NASP: variants seen among roughly 807,000 people sequenced by gnomAD.
The protein encoded by NASP is NASP histone chaperone.
A neutral mutation model predicts 89.5 loss-of-function variants in NASP; 24 were observed. That is an observed-to-expected ratio of 0.27 (90% CI 0.19 to 0.38). The LOEUF (loss-of-function observed/expected upper bound fraction) is 0.38. Among genes scored for constraint, NASP ranks in the 10% least tolerant of loss-of-function variants. NASP has a pLI of 1.00. For missense variants in NASP, 848 were observed against 921.4 expected (o/e 0.92, Z 1.03); for synonymous variants, 306 against 324.7 (o/e 0.94, Z 0.62).
At chr1:45,586,284 G>GTGTGTGTGTGTGTGTGTGGTGTGTGTGGT (rs1202771599) in intron 1 of NASP, among the ~76,000 whole-genome samples, 2 of 100,472 alleles carry the variant, frequency 2.0e-5, no homozygotes, top group Admixed American at 1.0e-4. Flanking sequence ...GTGTGTGTGT[G>GTGTGTGTGTGTGTGTGTGGTGTGTGTGGT]GTGTGTGTGT....
At chr1:45,601,736 G>T (rs1370839272) in intron 2 of NASP, among the ~76,000 whole-genome samples, 3 of 135,580 alleles carry the variant, frequency 2.2e-5, no homozygotes, top group Admixed American at 7.8e-5. Context: ...TAGATGAGCC[G>T]TTAAGAGAAT....
chr1:45,614,699 C>T (rs538462138), intron 9 of NASP, among the ~76,000 whole-genome samples: 5 of 152,200 alleles, frequency 3.3e-5, no homozygotes, highest in African/African-American at 4.8e-5. Context: ...CCACCACGCC[C>T]GGTTAATTTT....
chr1:45,587,790 C>G (rs993130646), intron 1 of NASP, among the ~76,000 whole-genome samples: 5 of 150,410 alleles, frequency 3.3e-5, no homozygotes, highest in Non-Finnish European at 7.4e-5. Flanking sequence ...GCAAGCGATT[C>G]TTGTGCATCA....
intron 2 of NASP, among the ~76,000 whole-genome samples, chr1:45,595,659 T>C (rs145614980): frequency 4.5e-4 from 69 of 152,364 alleles, no homozygotes; most frequent in Non-Finnish European, 8.2e-4. Flanking sequence ...TAATGGTGGA[T>C]AAACCTGCTG....
rs1466609248 is a variant in NASP, at chr1:45,618,381, T to C, written c.*240T>C. 2.6e-6 allele frequency: 1 copy of C among 378,358 alleles called. No homozygotes were observed. Among genetic ancestry groups the C allele is most frequent in the Non-Finnish European group, 5.0e-6 (1 of 199,480 alleles). 23.4% of individuals were successfully genotyped at this position (378,358 alleles called of 1,614,324 possible). A position where few individuals can be genotyped will look rare whatever the true frequency, so the allele number is the denominator to read the frequency against. On this transcript the variant is annotated 3_prime_UTR_variant, in exon 15 of 15. Coordinates refer to ENST00000350030, the MANE Select transcript of NASP (RefSeq NM_002482.4). ...TGTGTTCCTGATCCTAATTCCTATC[T>C]GTCTAACGTGGAGGTGATCAAGTGT... is the stretch of plus-strand genomic sequence containing the variant.
chr1:45,602,128 G>A (rs1289200868), intron 2 of NASP, 127 bp from the exon 3 acceptor site: 2 of 1,128,616 alleles, frequency 1.8e-6, no homozygotes, highest in African/African-American at 1.6e-5. Flanking sequence ...AAATAAGTGT[G>A]TTAGCCAGGC....
chr1:45,613,020 G>T lies in NASP; in HGVS notation c.1427-149G>T, dbSNP rs372275272. Reference sequence around the variant, plus strand: ...ACACTTGAACTAGACTGCACCCACTGACGATATATTCAGTTCAGGTGTTAA... The same window carrying T: ...ACACTTGAACTAGACTGCACCCACTTACGATATATTCAGTTCAGGTGTTAA... On this transcript the variant is annotated intron_variant, in intron 6 of 14. Transcript: ENST00000350030. 2.6e-6 allele frequency: 3 copies of T among 1,142,058 alleles called. No homozygotes were observed. In the African/African-American group the frequency reaches 4.8e-5, roughly 18 times the overall value. 70.7% of individuals were successfully genotyped at this position (1,142,058 alleles called of 1,614,324 possible).
At chr1:45,584,602 A>T (rs1644500791) in intron 1 of NASP, among the ~76,000 whole-genome samples, 1 of 151,670 alleles carries the variant, frequency 6.6e-6, no homozygotes, top group Non-Finnish European at 1.5e-5. Context: ...ATAACCCGGG[A>T]ATATAACCAA....
rs963186547 is a variant in NASP at position 45,608,232 on chromosome 1, A to G, written c.1321A>G (p.Thr441Ala). 2 of 1,614,066 alleles carry G rather than the reference A, an allele frequency of 1.2e-6. No homozygotes were observed. Among genetic ancestry groups the G allele is most frequent in the Non-Finnish European group, 1.7e-6 (2 of 1,180,018 alleles). The change falls in exon 6 of 15, where the codon ACC becomes GCC. Residue 441 changes from threonine to alanine, a missense_variant. Transcript: ENST00000350030. Reference sequence around the variant, plus strand: ...TGAGGCAGCTGGAGATGGGGTTGATACCAAGGTAGCCCAGGGAGCTACTGA... The same window carrying G: ...TGAGGCAGCTGGAGATGGGGTTGATGCCAAGGTAGCCCAGGGAGCTACTGA... ...ESEAAGDGVD[T>A]KVAQGATEKS...
chr1:45,584,079 G>T lies in NASP; in HGVS notation c.-68G>T, dbSNP rs1644488988. 1 of 1,439,896 alleles carries T rather than the reference G, an allele frequency of 6.9e-7. No homozygotes were observed. Among genetic ancestry groups the T allele is most frequent in the East Asian group, 2.5e-5 (1 of 40,186 alleles). 89.2% of individuals were successfully genotyped at this position (1,439,896 alleles called of 1,614,324 possible). ...TTTTCTGTCCCTGAGTGAGTCTCTG[G>T]CGTCCCAAATTGCCTGTTTTTCTCG... On this transcript the variant is annotated 5_prime_UTR_variant, in exon 1 of 15. Coordinates refer to ENST00000350030, the MANE Select transcript of NASP (RefSeq NM_002482.4).
intron 6 of NASP, chr1:45,612,920 T>C (rs904021000): frequency 2.9e-6 from 1 of 343,880 alleles, no homozygotes; most frequent in Non-Finnish European, 5.0e-6. Context: ...TTGACTTTTA[T>C]AAGAGAAACA....
chr1:45,597,237 G>A lies in NASP; in HGVS notation c.108-5018G>A, dbSNP rs149400626. Reference sequence around the variant, plus strand: ...CACAAGAATGGTTTCAACCCAGGAGGTGGAGGTTGCAGTGAGCTGAGATCG... The same window carrying A: ...CACAAGAATGGTTTCAACCCAGGAGATGGAGGTTGCAGTGAGCTGAGATCG... On this transcript the variant is annotated intron_variant, in intron 2 of 14. Coordinates refer to ENST00000350030, the MANE Select transcript of NASP (RefSeq NM_002482.4). Among the ~76,000 whole-genome samples, 445 of 151,818 alleles carry A rather than the reference G, an allele frequency of 2.9e-3. 2 individuals carry two copies. The highest frequency in any genetic ancestry group is 0.021 in the East Asian group (106 of 5,150).
intron 1 of NASP, among the ~76,000 whole-genome samples, chr1:45,586,284 G>GTGTGGTGT (rs1202771599): frequency 8.0e-5 from 8 of 100,532 alleles, no homozygotes; most frequent in East Asian, 2.7e-4. Flanking sequence ...GTGTGTGTGT[G>GTGTGGTGT]GTGTGTGTGT....
chr1:45,607,134 A>T, intron 5 of NASP, 187 bp from the exon 6 acceptor site: 1 of 606,638 alleles, frequency 1.6e-6, no homozygotes, highest in South Asian at 2.3e-5. Context: ...TTTCTTTTGC[A>T]GTAAGTTGCT....
chr1:45,590,240 G>A (rs1462038803), intron 1 of NASP, among the ~76,000 whole-genome samples: 1 of 152,090 alleles, frequency 6.6e-6, no homozygotes, highest in Non-Finnish European at 1.5e-5. Context: ...CTTGTGCTAA[G>A]CAAGAATAGA....
At chr1:45,607,288 C>T in intron 5 of NASP, 33 bp from the exon 6 acceptor site, 1 of 1,595,920 alleles carries the variant, frequency 6.3e-7, no homozygotes, top group Admixed American at 1.8e-5. Flanking sequence ...AACTCGAAGA[C>T]ATGTTTATGC....
chr1:45,613,650 T>G (rs991430726), intron 7 of NASP, among the ~76,000 whole-genome samples: 5 of 152,150 alleles, frequency 3.3e-5, no homozygotes, highest in Non-Finnish European at 5.9e-5. Context: ...TCTGGCTAAT[T>G]TGTTCTCTAA....
intron 1 of NASP, among the ~76,000 whole-genome samples, chr1:45,584,716 G>C (rs1444072047): frequency 1.3e-5 from 2 of 152,172 alleles, no homozygotes; most frequent in Admixed American, 6.5e-5. Flanking sequence ...GGTTTTGCGC[G>C]CGTGCGTTCG....
At chr1:45,590,141 C>T (rs1643495719) in intron 1 of NASP, among the ~76,000 whole-genome samples, 1 of 152,148 alleles carries the variant, frequency 6.6e-6, no homozygotes, top group South Asian at 2.1e-4. Flanking sequence ...TGCATACAGA[C>T]TAAAATTTGA....
Sources: gnomAD v4.1 joint callset for allele counts (sites outside exome capture counted in the v4.1 genomes callset) on GRCh38, gnomAD v4.1.1 for gene constraint, MANE v1.5 for transcripts, NCBI Gene and HGNC (gene_info 2026-07-23, HGNC 2026-07-21) for gene names.